NR4A3: variants seen among roughly 807,000 people sequenced by gnomAD.
The protein encoded by NR4A3 is nuclear receptor subfamily 4 group A member 3.
In NR4A3, 13 loss-of-function variants were observed where a neutral mutation model predicts 55.6. The observed-to-expected ratio is 0.23, with a 90% CI of 0.15 to 0.37. The LOEUF (loss-of-function observed/expected upper bound fraction) is 0.37, where lower values mean the gene tolerates loss of function less well. Among genes scored for constraint, NR4A3 ranks in the 10% least tolerant of loss-of-function variants. NR4A3 has a pLI of 1.00. For missense variants in NR4A3, 646 were observed against 822.8 expected (o/e 0.79, Z 2.63); for synonymous variants, 342 against 357.9 (o/e 0.96, Z 0.50).
At chr9:99,826,923 C>A in intron 2 of NR4A3, 3 of 862,442 alleles carry the variant, frequency 3.5e-6, no homozygotes, top group Non-Finnish European at 5.5e-6. Context: ...AAAAACCAAC[C>A]ACCAAAAACC....
intron 5 of NR4A3, chr9:99,834,824 G>A (rs1469060308): frequency 1.0e-6 from 1 of 985,366 alleles, no homozygotes; most frequent in Non-Finnish European, 1.2e-6. Flanking sequence ...AAGCATGGTA[G>A]ATCCTTAGCA....
intron 7 of NR4A3, among the ~76,000 whole-genome samples, chr9:99,861,802 A>G (rs1828012871): frequency 6.6e-6 from 1 of 152,186 alleles, no homozygotes. Flanking sequence ...TTAAAAAATT[A>G]ATTTAGAGCC....
At chr9:99,834,063 G>A (rs767999860) in intron 5 of NR4A3, 31 of 1,045,592 alleles carry the variant, frequency 3.0e-5, no homozygotes, top group Non-Finnish European at 3.6e-5. Flanking sequence ...CCTCAGAGGG[G>A]TGTTCTGAAC....
At chr9:99,832,856 A>C (rs1171824345) in intron 4 of NR4A3, 38 bp downstream of exon 4, 70 of 1,414,716 alleles carry the variant, frequency 4.9e-5, no homozygotes, top group Non-Finnish European at 6.4e-5. Flanking sequence ...TTGCTTATAC[A>C]TATTATCAGA....
chr9:99,833,569 A>T, intron 5 of NR4A3, 115 bp downstream of exon 5: 1 of 1,609,080 alleles, frequency 6.2e-7, no homozygotes, highest in East Asian at 2.2e-5. Flanking sequence ...GACAGTTTTC[A>T]TACTTTTTCT....
At chr9:99,840,114 A>G (rs372336846) in intron 5 of NR4A3, among the ~76,000 whole-genome samples, 220 of 152,346 alleles carry the variant, frequency 1.4e-3, no homozygotes, top group African/African-American at 4.6e-3. Context: ...GGTGGCTCAG[A>G]CTGAATTCAC....
chr9:99,851,297 A>C (rs1827844599), intron 7 of NR4A3, among the ~76,000 whole-genome samples: 1 of 152,164 alleles, frequency 6.6e-6, no homozygotes, highest in Non-Finnish European at 1.5e-5. Flanking sequence ...GTGAATATTA[A>C]TTTTCATTTG....
intron 5 of NR4A3, chr9:99,834,811 G>T: frequency 1.0e-6 from 1 of 985,394 alleles, no homozygotes; most frequent in Non-Finnish European, 1.2e-6. Context: ...AACGTCATAT[G>T]AGAAGCATGG....
At chr9:99,841,992 A>C (rs972051342) in intron 5 of NR4A3, among the ~76,000 whole-genome samples, 1 of 152,226 alleles carries the variant, frequency 6.6e-6, no homozygotes, top group Non-Finnish European at 1.5e-5. Context: ...TTTTTGAGGA[A>C]GGTATCCCCA....
chr9:99,863,836 A>G lies in NR4A3; in HGVS notation c.1850A>G (p.Asp617Gly). 6.2e-7 allele frequency: 1 copy of G among 1,613,866 alleles called. No individual in the cohort carries two copies. The change falls in exon 8 of 8, where the codon GAC (aspartate) becomes GGC (glycine). Residue 617 changes from aspartate (D) to glycine (G), a missense_variant. By Grantham distance (94) the Asp-to-Gly change is moderately conservative. Transcript: ENST00000395097. Reference protein sequence around the residue: ...EDLVSPPSIIDKLFLDTLPF With the variant: ...EDLVSPPSIIGKLFLDTLPF ...TTGGTGTCTCCACCTTCCATCATTG[A>G]CAAGCTCTTCCTGGACACCCTACCT... is the stretch of plus-strand genomic sequence containing the variant.
Position 99,822,967 on chromosome 9 carries a change from C to T in NR4A3, c.-177+560C>T, listed in dbSNP as rs565022866. Among the ~76,000 whole-genome samples the T allele has an allele frequency of 5.3e-5, 8 of 152,254 alleles. No homozygotes were observed. In the South Asian group the frequency reaches 1.5e-3, roughly 28 times the overall value. ...AGAGTTTGCAGACGCACTCGGAGGA[C>T]CTCAGGAAAGAGGGCGTAATTGTAG... On this transcript the variant is annotated intron_variant, in intron 1 of 7. Transcript: ENST00000395097. The surrounding 1 kb of genome is among the most constrained non-coding windows in gnomAD (Gnocchi z 4.9).
chr9:99,852,829 A>G (rs1343254116), intron 7 of NR4A3, among the ~76,000 whole-genome samples: 1 of 152,212 alleles, frequency 6.6e-6, no homozygotes, highest in Non-Finnish European at 1.5e-5. Context: ...GTGGCTGACC[A>G]CGGCACACCC....
intron 6 of NR4A3, among the ~76,000 whole-genome samples, chr9:99,846,493 GATGGACAT>G (rs1366946079): frequency 1.3e-5 from 2 of 152,190 alleles, no homozygotes; most frequent in African/African-American, 4.8e-5. Flanking sequence ...ATGAGATGAT[GATGGACAT>G]AATATAAACT....
intron 5 of NR4A3, among the ~76,000 whole-genome samples, chr9:99,842,428 A>G (rs1827669174): frequency 6.6e-6 from 1 of 152,158 alleles, no homozygotes; most frequent in African/African-American, 2.4e-5. Context: ...GTAAAGCAAA[A>G]TGCTTTTTAA....
intron 1 of NR4A3, among the ~76,000 whole-genome samples, chr9:99,823,177 G>T (rs1024979866): frequency 1.3e-5 from 2 of 152,108 alleles, no homozygotes; most frequent in Non-Finnish European, 2.9e-5. Flanking sequence ...TGTGGGAAAG[G>T]CATGCTTTTT....
chr9:99,835,123 A>G (rs1212137382), intron 5 of NR4A3: 1 of 164,062 alleles, frequency 6.1e-6, no homozygotes, highest in Non-Finnish European at 1.3e-5. Flanking sequence ...TAACAATTAT[A>G]CTTGTCAAAG....
chr9:99,850,119 T>TG (rs1385125658), intron 7 of NR4A3, among the ~76,000 whole-genome samples: 2 of 152,024 alleles, frequency 1.3e-5, no homozygotes, highest in African/African-American at 2.4e-5. Context: ...TAGGTCAGGG[T>TG]GGGGCGGGAC....
chr9:99,836,834 A>G (rs1325404866), intron 5 of NR4A3, among the ~76,000 whole-genome samples: 1 of 152,242 alleles, frequency 6.6e-6, no homozygotes, highest in Admixed American at 6.5e-5. Context: ...TCAGCAGTAT[A>G]TGAGTGCTCC....
rs554320389 is a variant in NR4A3 at position 99,843,207 on chromosome 9, A to G, written c.1255-1442A>G. On this transcript the variant is annotated intron_variant, in intron 5 of 7. Transcript: ENST00000395097. ...CGGACTCTCTAGATCCATGCTGTCC[A>G]ATAGACCTCCCCTCAGTGATGGAAA... Among the ~76,000 whole-genome samples, 24 of 152,354 alleles carry G rather than the reference A, an allele frequency of 1.6e-4. No individual in the cohort carries two copies. The South Asian group carries it at 4.8e-3, about 30-fold the overall frequency.
Sources: allele counts gnomAD v4.1 joint callset (sites outside exome capture counted in the v4.1 genomes callset), GRCh38; gene constraint gnomAD v4.1.1; non-coding constraint Gnocchi (gnomAD v3.1); transcripts MANE v1.5; gene names NCBI Gene and HGNC (gene_info 2026-07-23, HGNC 2026-07-21).